The following RALGPS2 variants were observed in gnomAD, a reference collection of about 807,000 sequenced individuals.
RALGPS2 encodes Ral GEF with PH domain and SH3 binding motif 2, also known as ras-specific guanine nucleotide-releasing factor RalGPS2.
Under a neutral mutation model 86.8 loss-of-function variants are expected in RALGPS2, and 43 were observed. The ratio of observed to expected loss-of-function variants is 0.50; its 90% confidence interval spans 0.39 to 0.64. The LOEUF (loss-of-function observed/expected upper bound fraction) is 0.64, where lower values mean the gene tolerates loss of function less well. Among genes scored for constraint, RALGPS2 ranks in the 30% least tolerant of loss-of-function variants. The pLI, the probability that RALGPS2 is intolerant of heterozygous loss-of-function variation, is 0.00. For missense variants in RALGPS2, 536 were observed against 694.6 expected, an observed-to-expected ratio of 0.77 and a Z score of 2.57; for synonymous variants, 243 against 231.3, an observed-to-expected ratio of 1.05 and a Z score of -0.46.
chr1:178,847,451 AG>A (rs2102281135), intron 8 of RALGPS2, among the ~76,000 whole-genome samples: 1 of 152,268 alleles, frequency 6.6e-6, no homozygotes, highest in South Asian at 2.1e-4. Context: ...TGTCTCAAAA[AG>A]AAAAAAAAAA....
intron 10 of RALGPS2, among the ~76,000 whole-genome samples, chr1:178,881,761 T>G (rs1412642676): frequency 6.6e-6 from 1 of 152,182 alleles, no homozygotes; most frequent in Non-Finnish European, 1.5e-5. Context: ...ACAGATTGTT[T>G]TTCTAAAAAT....
At chr1:178,816,795 G>A (rs747714509) in intron 6 of RALGPS2, among the ~76,000 whole-genome samples, 12 of 149,754 alleles carry the variant, frequency 8.0e-5, no homozygotes, top group African/African-American at 2.9e-4. Flanking sequence ...TGCAACCTCT[G>A]CCTCCTAGGT....
At chr1:178,894,839 C>G (rs1401726902) in intron 16 of RALGPS2, among the ~76,000 whole-genome samples, 1 of 151,494 alleles carries the variant, frequency 6.6e-6, no homozygotes, top group African/African-American at 2.4e-5. Context: ...TTTTTTACCC[C>G]CATTATAGTT....
intron 8 of RALGPS2, chr1:178,865,092 A>G (rs1471524729): frequency 6.4e-7 from 1 of 1,560,694 alleles, no homozygotes; most frequent in Non-Finnish European, 8.7e-7. Flanking sequence ...CCAGGAGTAT[A>G]CTGTTGGCTG....
chr1:178,760,939 G>A (rs1355968597), intron 1 of RALGPS2, among the ~76,000 whole-genome samples: 5 of 150,392 alleles, frequency 3.3e-5, no homozygotes, highest in Middle Eastern at 6.9e-3. Context: ...TTGTAGATTC[G>A]GTCAGTTTAC....
At chr1:178,726,586 A>T (rs996641894) in intron 1 of RALGPS2, among the ~76,000 whole-genome samples, 2 of 151,696 alleles carry the variant, frequency 1.3e-5, no homozygotes, top group African/African-American at 2.4e-5. Context: ...CCTACTGTGT[A>T]TTTAAGACCA....
At chr1:178,797,024 A>G (rs1654224428) in intron 4 of RALGPS2, among the ~76,000 whole-genome samples, 1 of 152,198 alleles carries the variant, frequency 6.6e-6, no homozygotes, top group African/African-American at 2.4e-5. Flanking sequence ...GCTAAATTTC[A>G]TTTAGCCTTT....
chr1:178,821,541 T>A, intron 6 of RALGPS2, 71 bp from the exon 7 acceptor site: 2 of 1,145,016 alleles, frequency 1.7e-6, no homozygotes, highest in Non-Finnish European at 2.6e-6. Flanking sequence ...ATTGTACTTG[T>A]TAGTCTAAAT....
chr1:178,758,783 C>A (rs932421098), intron 1 of RALGPS2, among the ~76,000 whole-genome samples: 7 of 152,092 alleles, frequency 4.6e-5, no homozygotes, highest in African/African-American at 1.4e-4. Flanking sequence ...ATAATATTTT[C>A]TTTATCCATA....
rs115239991 is a variant in RALGPS2 at position 178,819,567 on chromosome 1, A to G, written c.388-2045A>G. 6.9e-3 allele frequency among the ~76,000 whole-genome samples: 1,054 copies of G among 152,294 alleles called. 9 individuals are homozygous for G. The highest frequency in any genetic ancestry group is 0.023 in the African/African-American group (974 of 41,548). On this transcript the variant is annotated intron_variant, in intron 6 of 19. Coordinates refer to ENST00000367635, the MANE Select transcript of RALGPS2 (RefSeq NM_152663.5). ...GCTTGGAAAGCTAACCAGATTTTCA[A>G]ATGTCCTCCAAGGGATTGCCAGCTT...
intron 16 of RALGPS2, among the ~76,000 whole-genome samples, chr1:178,895,603 C>A (rs561473980): frequency 6.6e-6 from 1 of 151,972 alleles, no homozygotes; most frequent in Non-Finnish European, 1.5e-5. Context: ...GACAAGAAGG[C>A]TTGTGTAGTT....
At chr1:178,862,871 A>G (rs1227511808) in intron 8 of RALGPS2, among the ~76,000 whole-genome samples, 1 of 152,196 alleles carries the variant, frequency 6.6e-6, no homozygotes, top group African/African-American at 2.4e-5. Flanking sequence ...GTAGTTTAAG[A>G]AGATGAATCT....
At chr1:178,809,874 C>T (rs1048361320) in intron 5 of RALGPS2, among the ~76,000 whole-genome samples, 1 of 152,086 alleles carries the variant, frequency 6.6e-6, no homozygotes, top group African/African-American at 2.4e-5. Flanking sequence ...AGTCACAAGC[C>T]TGCCCAGATT....
At position 178,838,734 on chromosome 1, in the gene RALGPS2, C is replaced by T. The variant is rs188172802; in HGVS notation, c.607+5184C>T. 6.6e-5 allele frequency among the ~76,000 whole-genome samples: 10 copies of T among 152,210 alleles called. No individual in the cohort carries two copies. In the South Asian group the frequency reaches 8.3e-4, roughly 13 times the overall value. ...CTTCTCCGAGCTAAAGGAGGAAGTT[C>T]GAATCCGTCGCAAAGAAGCTAAAAA... On this transcript the variant is annotated intron_variant, in intron 8 of 19. Transcript: ENST00000367635.
At chr1:178,829,832 C>T (rs1655932686) in intron 7 of RALGPS2, among the ~76,000 whole-genome samples, 1 of 152,164 alleles carries the variant, frequency 6.6e-6, no homozygotes. Flanking sequence ...GCAATCTCCA[C>T]TTCCCAGGCT....
chr1:178,891,708 A>T (rs146127440), intron 14 of RALGPS2, among the ~76,000 whole-genome samples: 1 of 152,044 alleles, frequency 6.6e-6, no homozygotes, highest in Admixed American at 6.6e-5. Flanking sequence ...TATAACGCCT[A>T]TATTACTCAG....
chr1:178,809,728 G>T (rs1032442388), intron 5 of RALGPS2, among the ~76,000 whole-genome samples: 31 of 152,126 alleles, frequency 2.0e-4, no homozygotes, highest in Admixed American at 6.5e-4. Context: ...GGGTCTCGGG[G>T]TGGCTGGATT....
At chr1:178,802,950 A>C (rs1186762536) in intron 4 of RALGPS2, among the ~76,000 whole-genome samples, 1 of 152,132 alleles carries the variant, frequency 6.6e-6, no homozygotes, top group African/African-American at 2.4e-5. Flanking sequence ...AATCTTCAAG[A>C]CAAAATTTCC....
rs1043067948 is a variant in RALGPS2 at position 178,736,488 on chromosome 1, A to G, written c.-84+11069A>G. Among the ~76,000 whole-genome samples the G allele has an allele frequency of 5.3e-5, 8 of 152,260 alleles. No individual in the cohort carries two copies. The East Asian group carries it at 7.7e-4, about 15-fold the overall frequency. ...TTAATTTGCATTTTAAACGTTTTCA[A>G]TGAAAGTACTGTTTTCATATGTGTG... On this transcript the variant is annotated intron_variant, in intron 1 of 19. Transcript: ENST00000367635.
Sources: gnomAD v4.1 joint callset for allele counts (sites outside exome capture counted in the v4.1 genomes callset) on GRCh38, gnomAD v4.1.1 for gene constraint, MANE v1.5 for transcripts, NCBI Gene and HGNC (gene_info 2026-07-23, HGNC 2026-07-21) for gene names.